SPEG: variants seen among roughly 807,000 people sequenced by gnomAD.
SPEG encodes striated muscle enriched protein kinase, also known as striated muscle preferentially expressed protein kinase.
Under a neutral mutation model 300.4 loss-of-function variants are expected in SPEG, and 114 were observed. The ratio of observed to expected loss-of-function variants is 0.38; its 90% CI spans 0.33 to 0.44. SPEG has a LOEUF of 0.44. Among genes scored for constraint, SPEG ranks in the 20% least tolerant of loss-of-function variants. The probability of loss-of-function intolerance (pLI) is 1.00; values close to 1 mark genes in which losing one functional copy is unlikely to be tolerated. For synonymous variants in SPEG, 1,964 were observed against 2,018.9 expected, an observed-to-expected ratio of 0.97 and a Z score of 0.73; for missense variants, 4,201 against 4,586.2, an observed-to-expected ratio of 0.92 and a Z score of 2.43.
rs1266189283 is a variant in SPEG at position 219,449,784 on chromosome 2, ATGT to A, written c.2113+514_2113+516del. ...CCACCCGGGCACCATCCCCTGACCC[ATGT>A]GTGGCCACCCAGCCTGCCCTTCTAG... On this transcript the variant is annotated intron_variant, in intron 4 of 40. Coordinates refer to ENST00000312358, the MANE Select transcript of SPEG (RefSeq NM_005876.5). Among the ~76,000 whole-genome samples, 3 of 152,072 alleles carry A rather than the reference ATGT, an allele frequency of 2.0e-5. No individual in the cohort carries two copies. The East Asian group carries it at 5.8e-4, about 29-fold the overall frequency.
rs775073949 is a variant in SPEG, at chr2:219,434,956, C to T, written c.-22C>T. The T allele has an allele frequency of 8.0e-6, 12 of 1,491,566 alleles. No homozygotes were observed. The highest frequency in any genetic ancestry group is 1.1e-5 in the Non-Finnish European group (12 of 1,128,866). 92.4% of individuals were successfully genotyped at this position (1,491,566 alleles called of 1,614,324 possible). ...CGTGGCCGCCCAGTTCCGGCGTCCC[C>T]CCAGCCCAGCTCTCAGTGGCCATGC... On this transcript the variant is annotated 5_prime_UTR_variant, in exon 1 of 41. Coordinates refer to ENST00000312358, the MANE Select transcript of SPEG (RefSeq NM_005876.5).
chr2:219,485,501 G>A (rs761905941), intron 31 of SPEG, 24 bp downstream of exon 31: 5 of 1,527,484 alleles, frequency 3.3e-6, no homozygotes, highest in South Asian at 2.5e-5. Context: ...TGCTGGGTGA[G>A]GACCCTCCTC....
At chr2:219,437,885 C>A (rs972234193) in intron 1 of SPEG, among the ~76,000 whole-genome samples, 5 of 152,166 alleles carry the variant, frequency 3.3e-5, no homozygotes, top group Middle Eastern at 3.2e-3. Context: ...TGGTTGGAAA[C>A]AACAGCAGGA....
In SPEG at chr2:219,489,563, C is replaced by T. The variant is rs994970357; in HGVS notation, c.8545C>T (p.His2849Tyr). The change falls in exon 36 of 41, where the codon CAC becomes TAC. Residue 2849 changes from histidine (H) to tyrosine (Y), a missense_variant. Coordinates refer to ENST00000312358, the MANE Select transcript of SPEG (RefSeq NM_005876.5). ...ACCACCCCAAACCCCTCCACGAAGA[C>T]ACAGGGGCCTGCAGGCTGCCCGGCC... ...GPPPQTPPRR[H>Y]RGLQAARPAE... 1.2e-6 allele frequency: 2 copies of T among 1,613,470 alleles called. No individual in the cohort carries two copies. The highest frequency in any genetic ancestry group is 1.3e-5 in the African/African-American group (1 of 74,836).
intron 40 of SPEG, 121 bp from the exon 41 acceptor site, chr2:219,492,473 G>C (rs1694062057): frequency 8.3e-7 from 1 of 1,208,006 alleles, no homozygotes; most frequent in Admixed American, 2.0e-5. Context: ...CTCTTGAGCT[G>C]CCCAAGATCA....
At chr2:219,467,548 G>C (rs150162966) in intron 10 of SPEG, 114 bp downstream of exon 10, 1 of 1,248,990 alleles carries the variant, frequency 8.0e-7, no homozygotes. Context: ...GAGGGGAAGC[G>C]GGGGAGGGTG....
At position 219,451,241 on chromosome 2, in the gene SPEG, T is replaced by C; in HGVS notation, c.2219T>C (p.Leu740Pro). 1 of 1,613,674 alleles carries C rather than the reference T, an allele frequency of 6.2e-7. No homozygotes were observed. The highest frequency in any genetic ancestry group is 8.5e-7 in the Non-Finnish European group (1 of 1,179,888). The change falls in exon 5 of 41, where the codon CTG becomes CCG. Residue 740 changes from leucine to proline, a missense_variant. Leu to Pro is a moderately conservative substitution (Grantham distance 98, BLOSUM62 -3). This residue lies in a region of SPEG where 1,258 missense variants were observed against 1,293.9 expected (regional missense o/e 0.97). Coordinates refer to ENST00000312358, the MANE Select transcript of SPEG (RefSeq NM_005876.5). The surrounding 1 kb of genome is among the most constrained non-coding windows in gnomAD (Gnocchi z 6.4). ...NVVVAPGADV[L>P]LKCIITANPP... is the part of the protein sequence containing the mutation. ...GTGGTGGCACCAGGGGCAGATGTGC[T>C]GCTCAAGTGTATCATCACTGCCAAC...
intron 18 of SPEG, 120 bp from the exon 19 acceptor site, chr2:219,476,750 G>A: frequency 5.6e-6 from 4 of 711,470 alleles, no homozygotes; most frequent in Non-Finnish European, 7.0e-6. Flanking sequence ...GCAGGGAGGC[G>A]GGGGTCTAGC....
At chr2:219,440,916 T>C (rs1253143162) in intron 1 of SPEG, among the ~76,000 whole-genome samples, 1 of 152,248 alleles carries the variant, frequency 6.6e-6, no homozygotes, top group Non-Finnish European at 1.5e-5. Flanking sequence ...GCACTACCTG[T>C]GCTCACTGGG....
Position 219,443,366 on chromosome 2 carries a change from C to T in SPEG, c.389-1287C>T. ...AGGGAGGGCGGCTCACTAGCACACC[C>T]CTGCATGGACTGGGTGCCCTGTTCT... On this transcript the variant is annotated intron_variant, in intron 1 of 40. Coordinates refer to ENST00000312358, the MANE Select transcript of SPEG (RefSeq NM_005876.5). This position sits in a 1 kb window ranked among gnomAD's most constrained non-coding sequence, Gnocchi z 4.6. 3.3e-6 allele frequency: 2 copies of T among 606,788 alleles called. No individual in the cohort carries two copies. Among genetic ancestry groups the T allele is most frequent in the Non-Finnish European group, 6.0e-6 (2 of 334,156 alleles). The allele number at this position is 606,788 out of a possible 1,614,324, so 37.6% of individuals were successfully genotyped here. A position where few individuals can be genotyped will look rare whatever the true frequency, so the allele number is the denominator to read the frequency against.
At chr2:219,462,591 C>A (rs1224294863) in intron 8 of SPEG, among the ~76,000 whole-genome samples, 1 of 152,238 alleles carries the variant, frequency 6.6e-6, no homozygotes, top group Non-Finnish European at 1.5e-5. Context: ...GCTTCCCCTT[C>A]TGGGGAGGGG....
chr2:219,447,618 ACTTCATC>A (rs796561083), intron 3 of SPEG, among the ~76,000 whole-genome samples: 56 of 123,320 alleles, frequency 4.5e-4, no homozygotes, highest in African/African-American at 1.5e-3. Flanking sequence ...TTCCCTCCCC[ACTTCATC>A]CTTTGGGTCC....
rs1287077654 is a variant in SPEG, at chr2:219,448,964, A to T, written c.1806A>T (p.Arg602Ser). ...RRDQFPLTRSRAIQECRSPVP... is the reference protein window; with the variant it reads ...RRDQFPLTRSSAIQECRSPVP... ...ACCAATTCCCGCTGACCCGGAGCAG[A>T]GCCATCCAGGAGTGCAGGAGCCCTG... The change falls in exon 4 of 41, where the codon AGA (arginine) becomes AGT (serine). Residue 602 changes from arginine to serine, a missense_variant. Physicochemically the swap from Arg to Ser is moderately radical, Grantham distance 110 (BLOSUM62 -1). Coordinates refer to ENST00000312358, the MANE Select transcript of SPEG (RefSeq NM_005876.5). The T allele has an allele frequency of 6.6e-7, 1 of 1,511,640 alleles. No individual in the cohort carries two copies. 93.6% of individuals were successfully genotyped at this position (1,511,640 alleles called of 1,614,324 possible). A position where few individuals can be genotyped will look rare whatever the true frequency, so the allele number is the denominator to read the frequency against.
rs1224900357 is a variant in SPEG, at chr2:219,468,652, G to A, written c.3217G>A (p.Val1073Met). ...CCTGTTCACACGGCTGCTGGAAGATGTGGAGGTGTTGGAGGGCCGAGCTGC... is the reference window on the plus strand; with the variant it reads ...CCTGTTCACACGGCTGCTGGAAGATATGGAGGTGTTGGAGGGCCGAGCTGC... ...APLFTRLLED[V>M]EVLEGRAARF... The change falls in exon 11 of 41, where the codon GTG becomes ATG. Residue 1073 changes from valine to methionine, a missense_variant. This residue lies in a region of SPEG where 1,047 missense variants were observed against 1,356.8 expected (regional missense o/e 0.77). Transcript: ENST00000312358. 6.2e-7 allele frequency: 1 copy of A among 1,614,124 alleles called. No homozygotes were observed. The highest frequency in any genetic ancestry group is 1.7e-5 in the Admixed American group (1 of 60,030).
In SPEG at chr2:219,477,085, C is replaced by T. The variant is rs891050453; in HGVS notation, c.4560+103C>T. On this transcript the variant is annotated intron_variant, in intron 19 of 40. Coordinates refer to ENST00000312358, the MANE Select transcript of SPEG (RefSeq NM_005876.5). The surrounding 1 kb of genome is among the most constrained non-coding windows in gnomAD (Gnocchi z 6.4). ...TAGGAGGGCGGAGCCCGGGCAGAGG[C>T]GTGGTTAGGAGGAGGAAAGGGGCTG... 9 of 1,133,076 alleles carry T rather than the reference C, an allele frequency of 7.9e-6. No homozygotes were observed. Among genetic ancestry groups the T allele is most frequent in the East Asian group, 4.9e-5 (2 of 41,148 alleles). The allele number at this position is 1,133,076 out of a possible 1,614,324, so 70.2% of individuals were successfully genotyped here. A position where few individuals can be genotyped will look rare whatever the true frequency, so the allele number is the denominator to read the frequency against.
In SPEG at chr2:219,477,147, G is replaced by T; in HGVS notation, c.4561-130G>T. ...CTAGCTGAGGGGTGCAGGGCTTTCTGTGGGAGATAAGGGAGGAGCTGACTC... is the reference window on the plus strand; with the variant it reads ...CTAGCTGAGGGGTGCAGGGCTTTCTTTGGGAGATAAGGGAGGAGCTGACTC... On this transcript the variant is annotated intron_variant, in intron 19 of 40. Transcript: ENST00000312358. The surrounding 1 kb of genome is among the most constrained non-coding windows in gnomAD (Gnocchi z 6.4). The T allele has an allele frequency of 9.9e-7, 1 of 1,014,676 alleles. No individual in the cohort carries two copies. The allele number at this position is 1,014,676 out of a possible 1,614,324, so 62.9% of individuals were successfully genotyped here. A position where few individuals can be genotyped will look rare whatever the true frequency, so the allele number is the denominator to read the frequency against.
Position 219,483,222 on chromosome 2 carries a change from C to G in SPEG, c.5759C>G (p.Ser1920Cys). The G allele has an allele frequency of 6.2e-7, 1 of 1,610,418 alleles. No individual in the cohort carries two copies. Among genetic ancestry groups the G allele is most frequent in the South Asian group, 1.1e-5 (1 of 90,628 alleles). The part of the protein sequence containing the change: ...RRPPPSGGLS[S>C]SSDSEEEELE... ...CCACCCCCCAGTGGGGGGCTCTCAT[C>G]CTCCTCGGATTCTGAAGAGGAAGAG... is the stretch of plus-strand genomic sequence containing the variant. The change falls in exon 30 of 41, where the codon TCC (serine) becomes TGC (cysteine). Residue 1920 changes from serine to cysteine, a missense_variant. By Grantham distance (112) the Ser-to-Cys change is moderately radical. This residue lies in a region of SPEG where 1,578 missense variants were observed against 1,506.0 expected (regional missense o/e 1.05). Transcript: ENST00000312358.
intron 37 of SPEG, 35 bp from the exon 38 acceptor site, chr2:219,490,698 G>A: frequency 6.2e-7 from 1 of 1,610,826 alleles, no homozygotes; most frequent in East Asian, 2.2e-5. Context: ...GGGAGGCTGG[G>A]CCGGGTATCA....
rs1407269658 is a variant in SPEG at position 219,485,029 on chromosome 2, C to G, written c.7566C>G (p.Ala2522=). 11 of 1,532,018 alleles carry G rather than the reference C, an allele frequency of 7.2e-6. No individual in the cohort carries two copies. Among genetic ancestry groups the G allele is most frequent in the South Asian group, 1.2e-5 (1 of 83,876 alleles). The allele number at this position is 1,532,018 out of a possible 1,614,324, so 94.9% of individuals were successfully genotyped here. The change falls in exon 30 of 41, where the codon GCC becomes GCG. Residue 2522 remains alanine (A), a synonymous_variant. Coordinates refer to ENST00000312358, the MANE Select transcript of SPEG (RefSeq NM_005876.5). ...AGGCCGGCGCCACCACGCCTTCCGC[C>G]GAGTCCCTGGGCTCCGAGGCCAGCG... is the stretch of plus-strand genomic sequence containing the variant. The part of the protein sequence containing the change: ...AAQAGATTPS[A]ESLGSEASAT...
Sources: gnomAD v4.1 joint callset for allele counts (sites outside exome capture counted in the v4.1 genomes callset) on GRCh38, gnomAD v4.1.1 for gene constraint, gnomAD v4.1.1 regional missense constraint, Gnocchi (gnomAD v3.1) non-coding constraint, MANE v1.5 for transcripts, NCBI Gene and HGNC (gene_info 2026-07-23, HGNC 2026-07-21) for gene names.